Variants in HOMER1 observed in about 807,000 individuals in gnomAD.
HOMER1 encodes the protein homer scaffold protein 1.
In HOMER1, 3 loss-of-function variants were observed where a neutral mutation model predicts 48.9. That is an observed-to-expected ratio of 0.06 (90% CI 0.03 to 0.16). The LOEUF is 0.16. Among genes scored for constraint, HOMER1 ranks in the 10% least tolerant of loss-of-function variants. HOMER1 has a pLI of 1.00. For missense variants in HOMER1, 247 were observed against 411.4 expected, an observed-to-expected ratio of 0.60 and a Z score of 3.46; for synonymous variants, 134 against 146.4, an observed-to-expected ratio of 0.92 and a Z score of 0.61.
chr5:79,445,444 C>T (rs1314730612), intron 4 of HOMER1, among the ~76,000 whole-genome samples: 1 of 152,070 alleles, frequency 6.6e-6, no homozygotes, highest in Non-Finnish European at 1.5e-5. Context: ...ATAAAAGTAC[C>T]AAAATGTAAC....
Position 79,471,312 on chromosome 5 carries a change from G to A in HOMER1, c.6-14294C>T, listed in dbSNP as rs192337546. On this transcript the variant is annotated intron_variant, in intron 1 of 8. Coordinates refer to ENST00000334082, the MANE Select transcript of HOMER1 (RefSeq NM_004272.5). ...TGCTATCCCAGCACTTTGGGAGGCC[G>A]AGGCAGGCGGATCACCTGAGGTCAG... is the stretch of plus-strand genomic sequence containing the variant. Among the ~76,000 whole-genome samples the A allele has an allele frequency of 4.7e-3, 714 of 152,120 alleles. 9 individuals carry two copies. Among genetic ancestry groups the A allele is most frequent in the African/African-American group, 0.017 (690 of 41,530 alleles).
At chr5:79,406,439 G>A (rs1749664826) in intron 5 of HOMER1, among the ~76,000 whole-genome samples, 1 of 152,204 alleles carries the variant, frequency 6.6e-6, no homozygotes. Flanking sequence ...TTGGGAGCCA[G>A]AGATACAAAA....
At position 79,383,449 on chromosome 5, in the gene HOMER1, G is replaced by A. The variant is rs148088791; in HGVS notation, c.877-7252C>T. Reference sequence around the variant, plus strand: ...CACCTAGACTAGAGTGCAGTGGTGCGATCTCAGCTCACTGCAACCTCTGCC... The same window carrying A: ...CACCTAGACTAGAGTGCAGTGGTGCAATCTCAGCTCACTGCAACCTCTGCC... On this transcript the variant is annotated intron_variant, in intron 8 of 8. Transcript: ENST00000334082. 4.7e-5 allele frequency among the ~76,000 whole-genome samples: 7 copies of A among 150,520 alleles called. No homozygotes were observed. The South Asian group carries it at 8.4e-4, about 18-fold the overall frequency.
intron 8 of HOMER1, among the ~76,000 whole-genome samples, chr5:79,391,403 T>A (rs1481726363): frequency 2.0e-5 from 3 of 151,684 alleles, no homozygotes; most frequent in African/African-American, 7.3e-5. Context: ...GTGCTGGAAT[T>A]ACAGGTGTGA....
At position 79,438,937 on chromosome 5, in the gene HOMER1, C is replaced by T; in HGVS notation, c.527+73G>A. 5 of 1,195,824 alleles carry T rather than the reference C, an allele frequency of 4.2e-6. 1 individual carries two copies. Among genetic ancestry groups the T allele is most frequent in the Non-Finnish European group, 5.9e-6 (5 of 846,192 alleles). The allele number at this position is 1,195,824 out of a possible 1,614,324, so 74.1% of individuals were successfully genotyped here. On this transcript the variant is annotated intron_variant, in intron 5 of 8. Transcript: ENST00000334082. ...AGTTTTCACTCAAAGCTTGTAACTA[C>T]AAGGGTTCCTGAAACCAAACATTTC...
chr5:79,397,761 A>C, intron 6 of HOMER1, 124 bp from the exon 7 acceptor site: 1 of 520,194 alleles, frequency 1.9e-6, no homozygotes, highest in Non-Finnish European at 3.3e-6. Flanking sequence ...AATTTTGAGA[A>C]ATATTAAGAC....
At chr5:79,433,377 G>A (rs1034936774) in intron 5 of HOMER1, among the ~76,000 whole-genome samples, 4 of 152,074 alleles carry the variant, frequency 2.6e-5, no homozygotes, top group African/African-American at 9.7e-5. Context: ...TCACCAGCCT[G>A]GCTTACATGC....
intron 5 of HOMER1, among the ~76,000 whole-genome samples, chr5:79,403,100 G>A (rs539869834): frequency 6.6e-6 from 1 of 152,248 alleles, no homozygotes; most frequent in African/African-American, 2.4e-5. Flanking sequence ...TAGTTGGAAA[G>A]ACTCCTCTTG....
chr5:79,494,763 G>A (rs1348744327), intron 1 of HOMER1, among the ~76,000 whole-genome samples: 3 of 152,206 alleles, frequency 2.0e-5, no homozygotes, highest in Non-Finnish European at 4.4e-5. Flanking sequence ...CAGCTACTCG[G>A]GAGGCTGAGG....
chr5:79,402,892 G>A (rs1389944844), intron 5 of HOMER1, among the ~76,000 whole-genome samples: 5 of 152,080 alleles, frequency 3.3e-5, no homozygotes, highest in African/African-American at 1.2e-4. Flanking sequence ...ACAAACATTT[G>A]CTACAATAAA....
chr5:79,478,820 T>C (rs1280353510), intron 1 of HOMER1, among the ~76,000 whole-genome samples: 1 of 151,992 alleles, frequency 6.6e-6, no homozygotes, highest in African/African-American at 2.4e-5. Flanking sequence ...GGTATGATGG[T>C]GGGTGCCTGT....
intron 5 of HOMER1, among the ~76,000 whole-genome samples, chr5:79,426,879 G>C (rs1750272684): frequency 1.3e-5 from 2 of 152,036 alleles, no homozygotes; most frequent in South Asian, 2.1e-4. Context: ...GGTAAACATT[G>C]TATGTTTGTA....
At chr5:79,436,360 T>A (rs539844021) in intron 5 of HOMER1, among the ~76,000 whole-genome samples, 1 of 152,180 alleles carries the variant, frequency 6.6e-6, no homozygotes, top group Non-Finnish European at 1.5e-5. Flanking sequence ...GACACAACAA[T>A]GTGCTTGTGT....
intron 1 of HOMER1, among the ~76,000 whole-genome samples, chr5:79,500,979 C>A (rs1752568911): frequency 6.8e-6 from 1 of 147,610 alleles, no homozygotes; most frequent in Admixed American, 6.7e-5. Context: ...CACACACACA[C>A]ACACACACAC....
intron 4 of HOMER1, among the ~76,000 whole-genome samples, chr5:79,441,585 C>T (rs1432719580): frequency 6.6e-6 from 1 of 151,994 alleles, no homozygotes; most frequent in Admixed American, 6.6e-5. Flanking sequence ...TATCCTAGGT[C>T]ATTATACCTA....
intron 1 of HOMER1, among the ~76,000 whole-genome samples, chr5:79,462,903 T>C (rs1426396754): frequency 6.6e-6 from 1 of 152,216 alleles, no homozygotes; most frequent in African/African-American, 2.4e-5. Flanking sequence ...CATTTCCTGG[T>C]ATACCTTTAA....
In HOMER1 at chr5:79,464,852, T is replaced by C. The variant is rs747189529; in HGVS notation, c.6-7834A>G. Among the ~76,000 whole-genome samples, 14 of 152,154 alleles carry C rather than the reference T, an allele frequency of 9.2e-5. No homozygotes were observed. In the South Asian group the frequency reaches 1.7e-3, roughly 18 times the overall value. Reference sequence around the variant, plus strand: ...AAAACCATATACGAACTTTGAAGAATGCAAAGGTTTTTCTGCTAATGGCTA... The same window carrying C: ...AAAACCATATACGAACTTTGAAGAACGCAAAGGTTTTTCTGCTAATGGCTA... On this transcript the variant is annotated intron_variant, in intron 1 of 8. Transcript: ENST00000334082.
intron 5 of HOMER1, among the ~76,000 whole-genome samples, chr5:79,418,471 C>A (rs116346325): frequency 6.8e-6 from 1 of 146,620 alleles, no homozygotes; most frequent in African/African-American, 2.6e-5. Flanking sequence ...AACAACACGA[C>A]AGAAATCCCT....
chr5:79,491,936 G>A (rs1752289995), intron 1 of HOMER1, among the ~76,000 whole-genome samples: 1 of 152,152 alleles, frequency 6.6e-6, no homozygotes, highest in South Asian at 2.1e-4. Flanking sequence ...GAGCTAATAA[G>A]AGGATCACTA....
Sources: gnomAD v4.1 joint callset for allele counts (sites outside exome capture counted in the v4.1 genomes callset) on GRCh38, gnomAD v4.1.1 for gene constraint, MANE v1.5 for transcripts, NCBI Gene and HGNC (gene_info 2026-07-23, HGNC 2026-07-21) for gene names.